Variants in TRPM3 observed in about 807,000 individuals in gnomAD.
TRPM3 encodes the protein transient receptor potential cation channel subfamily M member 3, also known as long transient receptor potential channel 3.
TRPM3 carries 77 observed loss-of-function variants against 181.2 expected under a neutral mutation model. That is an observed-to-expected ratio of 0.42 (90% CI 0.35 to 0.51). The LOEUF (loss-of-function observed/expected upper bound fraction) is 0.51. Ranked by LOEUF, TRPM3 falls within the 20% of genes least tolerant of loss-of-function variation. The pLI is 0.01. For synonymous variants in TRPM3, 745 were observed against 796.4 expected, an observed-to-expected ratio of 0.94 and a Z score of 1.09; for missense variants, 1,759 against 2,196.7, an observed-to-expected ratio of 0.80 and a Z score of 3.98.
intron 1 of TRPM3, among the ~76,000 whole-genome samples, chr9:71,045,684 G>T (rs2059354508): frequency 6.6e-6 from 1 of 152,300 alleles, no homozygotes; most frequent in Non-Finnish European, 1.5e-5. Flanking sequence ...TTTTCCTAAA[G>T]GAGAGACTTG....
intron 7 of TRPM3, among the ~76,000 whole-genome samples, chr9:70,781,422 C>A (rs982590943): frequency 1.3e-5 from 2 of 151,444 alleles, no homozygotes; most frequent in African/African-American, 4.9e-5. Flanking sequence ...GGGAAAGAAT[C>A]CCCATGACAC....
At chr9:70,837,104 T>C (rs569092409) in intron 5 of TRPM3, among the ~76,000 whole-genome samples, 2 of 152,188 alleles carry the variant, frequency 1.3e-5, no homozygotes, top group African/African-American at 4.8e-5. Context: ...CTCACACATC[T>C]CCCCAGATAC....
intron 1 of TRPM3, among the ~76,000 whole-genome samples, chr9:70,961,614 T>C (rs539433305): frequency 2.0e-5 from 3 of 152,298 alleles, no homozygotes; most frequent in East Asian, 1.9e-4. Context: ...CTCTTACTCA[T>C]AGGCAGTATT....
chr9:71,185,007 C>T (rs1283815056), intron 1 of TRPM3, among the ~76,000 whole-genome samples: 1 of 152,090 alleles, frequency 6.6e-6, no homozygotes, highest in East Asian at 1.9e-4. Flanking sequence ...GGATGCCCAG[C>T]CTAAGACTGG....
intron 1 of TRPM3, among the ~76,000 whole-genome samples, chr9:70,889,709 A>G (rs2132823282): frequency 6.6e-6 from 1 of 152,298 alleles, no homozygotes; most frequent in Admixed American, 6.5e-5. Flanking sequence ...ACTCTGAGGT[A>G]TAAGAGCAAG....
At chr9:70,637,952 C>T (rs1028651124) in intron 11 of TRPM3, among the ~76,000 whole-genome samples, 2 of 152,062 alleles carry the variant, frequency 1.3e-5, no homozygotes, top group African/African-American at 4.8e-5. Context: ...AACGTGTATA[C>T]CTGTGTAATG....
intron 1 of TRPM3, among the ~76,000 whole-genome samples, chr9:71,148,213 TAAC>T (rs1297127019): frequency 1.3e-5 from 2 of 152,146 alleles, no homozygotes; most frequent in Non-Finnish European, 2.9e-5. Flanking sequence ...AATATTCACA[TAAC>T]AAACTTTTAA....
At chr9:70,695,118 C>A (rs946634533) in intron 8 of TRPM3, among the ~76,000 whole-genome samples, 1 of 152,220 alleles carries the variant, frequency 6.6e-6, no homozygotes, top group Non-Finnish European at 1.5e-5. Flanking sequence ...AGCTCCCATG[C>A]CCCTCACAAC....
chr9:71,033,100 C>T (rs1429862414), intron 1 of TRPM3, among the ~76,000 whole-genome samples: 1 of 152,198 alleles, frequency 6.6e-6, no homozygotes, highest in African/African-American at 2.4e-5. Context: ...GCTTGTAGCC[C>T]TTGAAGCAAG....
chr9:70,853,109 A>C (rs17470826), intron 3 of TRPM3, among the ~76,000 whole-genome samples: 4,397 of 152,300 alleles, frequency 0.029, 89 homozygotes, highest in Middle Eastern at 0.058. Flanking sequence ...ACTGTCTTGG[A>C]AAGAAAACAG....
intron 9 of TRPM3, among the ~76,000 whole-genome samples, chr9:70,667,183 G>C (rs1428068204): frequency 6.6e-6 from 1 of 151,932 alleles, no homozygotes; most frequent in East Asian, 1.9e-4. Context: ...TCATATTTAA[G>C]AGTGGGCATA....
intron 1 of TRPM3, among the ~76,000 whole-genome samples, chr9:71,274,038 C>T (rs908636272): frequency 2.0e-5 from 3 of 152,046 alleles, no homozygotes; most frequent in Non-Finnish European, 2.9e-5. Flanking sequence ...CATCTGTTAC[C>T]GGTGGTTGTT....
intron 1 of TRPM3, among the ~76,000 whole-genome samples, chr9:71,081,385 T>C (rs1376109001): frequency 6.6e-6 from 1 of 152,166 alleles, no homozygotes; most frequent in African/African-American, 2.4e-5. Context: ...TTTCTTAGTG[T>C]GCTCATCTTT....
At chr9:70,744,052 C>T (rs1170391414) in intron 8 of TRPM3, among the ~76,000 whole-genome samples, 2 of 151,840 alleles carry the variant, frequency 1.3e-5, no homozygotes, top group Non-Finnish European at 2.9e-5. Flanking sequence ...TCAAATGGGG[C>T]CGGGCACAGT....
At chr9:70,941,475 C>A (rs1398259234) in intron 1 of TRPM3, among the ~76,000 whole-genome samples, 4 of 152,190 alleles carry the variant, frequency 2.6e-5, no homozygotes, top group Non-Finnish European at 5.9e-5. Context: ...CTTCCTTGCT[C>A]CTCAGCATGC....
chr9:71,185,046 C>T (rs751242000), intron 1 of TRPM3, among the ~76,000 whole-genome samples: 4 of 152,064 alleles, frequency 2.6e-5, no homozygotes, highest in Admixed American at 6.6e-5. Flanking sequence ...CAGGCATGCA[C>T]GCACATGCAT....
chr9:71,359,739 A>G (rs1482327161), intron 1 of TRPM3, among the ~76,000 whole-genome samples: 1 of 152,164 alleles, frequency 6.6e-6, no homozygotes, highest in African/African-American at 2.4e-5. Context: ...TTCAGGAGTC[A>G]GGGCAATTCA....
At chr9:71,004,863 T>C (rs1395657867) in intron 1 of TRPM3, among the ~76,000 whole-genome samples, 1 of 151,922 alleles carries the variant, frequency 6.6e-6, no homozygotes, top group African/African-American at 2.4e-5. Context: ...ACAGACTTGA[T>C]CAAACAGAGG....
At chr9:71,135,542 G>A (rs111505700) in intron 1 of TRPM3, among the ~76,000 whole-genome samples, 237 of 152,262 alleles carry the variant, frequency 1.6e-3, no homozygotes, top group African/African-American at 5.4e-3. Context: ...CTGAGTCTCA[G>A]ATTCTTTCCA....
Sources: gnomAD v4.1 joint callset for allele counts (sites outside exome capture counted in the v4.1 genomes callset) on GRCh38, gnomAD v4.1.1 for gene constraint, MANE v1.5 for transcripts, NCBI Gene and HGNC (gene_info 2026-07-23, HGNC 2026-07-21) for gene names.